Variants in ATG10 observed in about 807,000 individuals in gnomAD.
ATG10 encodes the protein ubiquitin-like-conjugating enzyme ATG10.
Under a neutral mutation model 32.1 loss-of-function variants are expected in ATG10, and 30 were observed. That is an observed-to-expected ratio of 0.94 (90% confidence interval 0.70 to 1.27). The LOEUF is 1.27. ATG10 is among the 50% of genes most tolerant of loss of function. The pLI is 0.00. For missense variants in ATG10, 233 were observed against 262.3 expected, an observed-to-expected ratio of 0.89 and a Z score of 0.77; for synonymous variants, 87 against 91.5, an observed-to-expected ratio of 0.95 and a Z score of 0.28.
chr5:81,983,806 G>A (rs1232692569), intron 1 of ATG10, among the ~76,000 whole-genome samples: 4 of 150,812 alleles, frequency 2.7e-5, no homozygotes, highest in East Asian at 2.0e-4. Flanking sequence ...AGGCAGAGAC[G>A]CTCCTCACCT....
chr5:82,153,090 G>T (rs904190262), intron 3 of ATG10, among the ~76,000 whole-genome samples: 2 of 152,124 alleles, frequency 1.3e-5, no homozygotes, highest in Non-Finnish European at 2.9e-5. Context: ...ACTGGATAAG[G>T]CCTCAAGATG....
intron 3 of ATG10, among the ~76,000 whole-genome samples, chr5:82,097,401 A>T (rs1327918278): frequency 6.6e-6 from 1 of 152,172 alleles, no homozygotes; most frequent in South Asian, 2.1e-4. Flanking sequence ...GAAAAGGTTT[A>T]TCAAAACATC....
At position 82,208,120 on chromosome 5, in the gene ATG10, A is replaced by C. The variant is rs552887124; in HGVS notation, c.453+29533A>C. On this transcript the variant is annotated intron_variant, in intron 5 of 7. Coordinates refer to ENST00000282185, the MANE Select transcript of ATG10 (RefSeq NM_031482.5). ...TTCTTTGTCACCTTAGTTACACATA[A>C]AGTTTCCACATGTTCTTGGATCTGT... 9.5e-4 allele frequency among the ~76,000 whole-genome samples: 145 copies of C among 152,286 alleles called. 1 individual carries two copies. The highest frequency in any genetic ancestry group is 3.4e-3 in the African/African-American group (142 of 41,554).
Position 82,255,716 on chromosome 5 carries a change from A to G in ATG10, c.*1653A>G, listed in dbSNP as rs1250693446. On this transcript the variant is annotated 3_prime_UTR_variant, in exon 8 of 8. Transcript: ENST00000282185. The stretch of plus-strand genomic sequence containing the variant: ...GCTTCCTAATGTTTGTCTAGGCCTT[A>G]CATGGATAGTAAGGAAGCTTAGGAG... 2.6e-5 allele frequency: 4 copies of G among 152,224 alleles called. No individual in the cohort carries two copies. The highest frequency in any genetic ancestry group is 5.9e-5 in the Non-Finnish European group (4 of 68,048). 9.4% of individuals were successfully genotyped at this position (152,224 alleles called of 1,614,324 possible). A position where few individuals can be genotyped will look rare whatever the true frequency, so the allele number is the denominator to read the frequency against.
intron 5 of ATG10, among the ~76,000 whole-genome samples, chr5:82,190,773 C>CAAAAAAAAAAAAA (rs35513819): frequency 1.9e-5 from 1 of 53,654 alleles, no homozygotes; most frequent in Non-Finnish European, 3.3e-5. Flanking sequence ...GACTCCATCT[C>CAAAAAAAAAAAAA]AAAAAAAAAA....
chr5:82,226,567 T>C (rs1051061566), intron 5 of ATG10, among the ~76,000 whole-genome samples: 7 of 152,212 alleles, frequency 4.6e-5, no homozygotes, highest in Non-Finnish European at 7.3e-5. Context: ...ATTAGGATTA[T>C]AATGGAAGCT....
intron 3 of ATG10, among the ~76,000 whole-genome samples, chr5:82,090,593 A>G (rs925848272): frequency 1.3e-5 from 2 of 152,194 alleles, no homozygotes; most frequent in Non-Finnish European, 1.5e-5. Flanking sequence ...GGTTGTCTAA[A>G]TAAGGGGTGG....
rs187323988 is a variant in ATG10 at position 82,250,283 on chromosome 5, C to A, written c.454-2279C>A. Among the ~76,000 whole-genome samples, 54 of 152,102 alleles carry A rather than the reference C, an allele frequency of 3.6e-4. No individual in the cohort carries two copies. The East Asian group carries it at 8.5e-3, about 24-fold the overall frequency. ...CAAATCTCTGCATGGTTGTTTTTTT[C>A]CTTGTCGTTCTGATCTTTGATTAAG... On this transcript the variant is annotated intron_variant, in intron 5 of 7. Transcript: ENST00000282185.
intron 3 of ATG10, among the ~76,000 whole-genome samples, chr5:82,156,441 C>T (rs1193524408): frequency 6.6e-6 from 1 of 152,090 alleles, no homozygotes; most frequent in Non-Finnish European, 1.5e-5. Context: ...TTCTCACCAC[C>T]AAGAATCTGA....
At chr5:81,980,794 A>C (rs1398556211) in intron 1 of ATG10, among the ~76,000 whole-genome samples, 1 of 152,102 alleles carries the variant, frequency 6.6e-6, no homozygotes, top group Non-Finnish European at 1.5e-5. Context: ...TGCACACTGC[A>C]CTACTGGGAG....
At chr5:82,224,456 C>G (rs1746041226) in intron 5 of ATG10, among the ~76,000 whole-genome samples, 1 of 152,100 alleles carries the variant, frequency 6.6e-6, no homozygotes, top group Non-Finnish European at 1.5e-5. Flanking sequence ...TCAGCTTTAC[C>G]TAAGAAGCAA....
intron 2 of ATG10, among the ~76,000 whole-genome samples, chr5:82,055,273 C>CA (rs1157818053): frequency 6.6e-6 from 1 of 151,836 alleles, no homozygotes; most frequent in Non-Finnish European, 1.5e-5. Context: ...AAATATAGAG[C>CA]AAAAAACCCA....
chr5:82,158,041 A>G (rs1109524), intron 3 of ATG10, among the ~76,000 whole-genome samples: 30,472 of 152,096 alleles, frequency 0.2, 3,575 homozygotes, highest in East Asian at 0.43. Context: ...CCAATACACT[A>G]TTTGGGTTTG....
intron 5 of ATG10, among the ~76,000 whole-genome samples, chr5:82,221,967 G>T (rs1048106975): frequency 1.3e-5 from 2 of 152,140 alleles, no homozygotes; most frequent in East Asian, 3.8e-4. Context: ...ATCTTGTATC[G>T]GAGTTGCATT....
intron 3 of ATG10, among the ~76,000 whole-genome samples, chr5:82,102,878 T>G (rs747040470): frequency 6.6e-6 from 1 of 152,226 alleles, no homozygotes; most frequent in Non-Finnish European, 1.5e-5. Flanking sequence ...CACCCAATTT[T>G]AATGCTTGTA....
chr5:82,076,585 G>A (rs1764280887), intron 3 of ATG10, among the ~76,000 whole-genome samples: 2 of 152,228 alleles, frequency 1.3e-5, no homozygotes, highest in South Asian at 4.1e-4. Context: ...AGCAAATGTG[G>A]TAATACTTTT....
intron 3 of ATG10, among the ~76,000 whole-genome samples, chr5:82,115,034 G>A (rs1057172356): frequency 6.6e-6 from 1 of 152,020 alleles, no homozygotes; most frequent in African/African-American, 2.4e-5. Flanking sequence ...AGTCATGTGT[G>A]ACTAGTGGCT....
intron 3 of ATG10, among the ~76,000 whole-genome samples, chr5:82,069,797 G>C (rs990481895): frequency 2.0e-5 from 3 of 152,042 alleles, no homozygotes; most frequent in Non-Finnish European, 4.4e-5. Flanking sequence ...ATTTGTTAAA[G>C]TTTATTTCTG....
chr5:82,029,992 G>A (rs1401598393), intron 2 of ATG10, among the ~76,000 whole-genome samples: 1 of 152,124 alleles, frequency 6.6e-6, no homozygotes, highest in African/African-American at 2.4e-5. Context: ...ATCAACTCAG[G>A]CAGTTTGTCC....
Sources: gnomAD v4.1 joint callset for allele counts (sites outside exome capture counted in the v4.1 genomes callset) on GRCh38, gnomAD v4.1.1 for gene constraint, MANE v1.5 for transcripts, NCBI Gene and HGNC (gene_info 2026-07-23, HGNC 2026-07-21) for gene names.